NDUFAF6: variants seen among roughly 807,000 people sequenced by gnomAD.
NDUFAF6 encodes the protein NADH dehydrogenase (ubiquinone) complex I, assembly factor 6.
In NDUFAF6, 45 loss-of-function variants were observed where a neutral mutation model predicts 40.8. That is an observed-to-expected ratio of 1.10 (90% CI 0.87 to 1.42). The LOEUF (loss-of-function observed/expected upper bound fraction) is 1.42. Among genes scored for constraint, NDUFAF6 ranks in the 40% most tolerant of loss-of-function variants. The pLI is 0.00. For synonymous variants in NDUFAF6, 185 were observed against 155.9 expected (o/e 1.19, Z -1.39); for missense variants, 435 against 418.5 (o/e 1.04, Z -0.34).
In NDUFAF6 at chr8:95,072,216, G is replaced by T. The variant is rs182767831; in HGVS notation, c.*512-3417G>T. Among the ~76,000 whole-genome samples the T allele has an allele frequency of 3.3e-3, 508 of 152,188 alleles. 3 individuals are homozygous for T. Among genetic ancestry groups the T allele is most frequent in the African/African-American group, 0.011 (468 of 41,518 alleles). On this transcript the variant is annotated intron_variant and NMD_transcript_variant, in intron 9 of 9. Transcript: ENST00000520757. ...AGACACAGGGCCGTTATGTTGCGGT[G>T]CCCTACTTCGCAGCACCCCCAGACC...
intron 7 of NDUFAF6, among the ~76,000 whole-genome samples, chr8:95,049,540 C>G (rs1056687543): frequency 6.6e-6 from 1 of 152,170 alleles, no homozygotes; most frequent in African/African-American, 2.4e-5. Context: ...TCCCATAATG[C>G]TAATTTTTCC....
chr8:95,045,981 G>A (rs924562603), intron 5 of NDUFAF6, among the ~76,000 whole-genome samples: 4 of 151,880 alleles, frequency 2.6e-5, no homozygotes, highest in East Asian at 1.9e-4. Flanking sequence ...TCTTCCTTTC[G>A]TGTTAATAGT....
At chr8:94,951,872 C>T (rs992624689) in intron 2 of NDUFAF6, among the ~76,000 whole-genome samples, 10 of 152,188 alleles carry the variant, frequency 6.6e-5, no homozygotes, top group African/African-American at 2.2e-4. Context: ...ATCTCCATAG[C>T]GTAGAGCTGT....
chr8:95,038,180 T>G lies in NDUFAF6; in HGVS notation c.420+2604T>G, dbSNP rs75082499. Reference sequence around the variant, plus strand: ...GAGCCACTGTGCATGGCCCACTTATTGTTAATATTTTATCCCATTTGTTTA... The same window carrying G: ...GAGCCACTGTGCATGGCCCACTTATGGTTAATATTTTATCCCATTTGTTTA... On this transcript the variant is annotated intron_variant, in intron 3 of 8. Transcript: ENST00000396124. 1.2e-3 allele frequency among the ~76,000 whole-genome samples: 185 copies of G among 152,262 alleles called. 2 individuals are homozygous for G. The highest frequency in any genetic ancestry group is 9.7e-4 in the East Asian group (5 of 5,170).
intron 8 of NDUFAF6, 103 bp downstream of exon 8, chr8:95,052,333 C>T (rs1182940202): frequency 7.7e-7 from 1 of 1,305,176 alleles, no homozygotes; most frequent in Non-Finnish European, 1.1e-6. Context: ...AGTTCGGAGC[C>T]TTTGTTTTTG....
chr8:94,973,010 G>A (rs558516223), intron 1 of NDUFAF6, among the ~76,000 whole-genome samples: 6 of 152,282 alleles, frequency 3.9e-5, no homozygotes, highest in South Asian at 2.1e-4. Flanking sequence ...CCAGGAGTTC[G>A]AGGCTCCAGT....
intron 3 of NDUFAF6, chr8:95,041,021 G>C (rs764459327): frequency 6.6e-6 from 1 of 152,230 alleles, no homozygotes; most frequent in Non-Finnish European, 1.5e-5. Context: ...TCTATTTTTC[G>C]AGGAGTGGTT....
At chr8:95,046,857 C>G in intron 5 of NDUFAF6, 137 bp from the exon 6 acceptor site, 1 of 1,158,542 alleles carries the variant, frequency 8.6e-7, no homozygotes, top group South Asian at 1.3e-5. Flanking sequence ...CAGTTTTTCA[C>G]TCATAAATCC....
At chr8:94,960,323 G>A (rs896847) in intron 1 of NDUFAF6, among the ~76,000 whole-genome samples, 77,002 of 152,000 alleles carry the variant, frequency 0.51, 19,924 homozygotes, top group East Asian at 0.72. Flanking sequence ...CCCAACCTCA[G>A]TACGACTCTG....
rs370174649 is a variant in NDUFAF6, at chr8:95,047,989, G to A, written c.715-468G>A. Reference sequence around the variant, plus strand: ...TGGGAGGGTCGCTTGAGTCCAGGAGGTTGAGACCAGCCTGGGCAATATTGG... The same window carrying A: ...TGGGAGGGTCGCTTGAGTCCAGGAGATTGAGACCAGCCTGGGCAATATTGG... On this transcript the variant is annotated intron_variant, in intron 6 of 8. Coordinates refer to ENST00000396124, the MANE Select transcript of NDUFAF6 (RefSeq NM_152416.4). 4.5e-4 allele frequency among the ~76,000 whole-genome samples: 68 copies of A among 152,066 alleles called. No individual in the cohort carries two copies. In the South Asian group the frequency reaches 0.014, roughly 31 times the overall value.
intron 2 of NDUFAF6, among the ~76,000 whole-genome samples, chr8:95,004,945 A>C (rs1414173469): frequency 6.6e-6 from 1 of 152,182 alleles, no homozygotes; most frequent in African/African-American, 2.4e-5. Flanking sequence ...GTCAAAGATA[A>C]TTCTGAGGTT....
chr8:95,004,273 A>G (rs987431809), intron 2 of NDUFAF6, among the ~76,000 whole-genome samples: 7 of 149,372 alleles, frequency 4.7e-5, no homozygotes, highest in African/African-American at 9.9e-5. Flanking sequence ...CCAGCTCGCT[A>G]TGGGCTCCAG....
rs539503946 is a variant in NDUFAF6, at chr8:94,920,786, G to GA, written c.-935-24696dup. 3.9e-5 allele frequency among the ~76,000 whole-genome samples: 6 copies of GA among 152,312 alleles called. No homozygotes were observed. The East Asian group carries it at 5.8e-4, about 15-fold the overall frequency. On this transcript the variant is annotated intron_variant, in intron 1 of 14. Coordinates refer to the NDUFAF6 transcript ENST00000396113. ...GGCTGTGTTGCCAGCCATTCTCTAT[G>GA]AGCATCCCGCAGCTGCCTCTCATTT...
downstream of NDUFAF6, among the ~76,000 whole-genome samples, chr8:95,063,096 T>C (rs1469980747): frequency 6.6e-6 from 1 of 152,176 alleles, no homozygotes; most frequent in Non-Finnish European, 1.5e-5. Context: ...ATTAAGGTGT[T>C]TGGATTTTAA....
rs533278420 is a variant in NDUFAF6 at position 94,982,316 on chromosome 8, C to G, written c.-84+1343C>G. ...TTGTGTCACAATTGCCTACAATATT[C>G]AGTACAGTAACATGCTGTGCAGGTT... On this transcript the variant is annotated intron_variant, in intron 2 of 9. Transcript: ENST00000396111. Among the ~76,000 whole-genome samples the G allele has an allele frequency of 2.6e-5, 4 of 152,222 alleles. No homozygotes were observed. In the East Asian group the frequency reaches 5.8e-4, roughly 22 times the overall value.
At chr8:94,934,384 A>G (rs1468102800) in intron 1 of NDUFAF6, among the ~76,000 whole-genome samples, 1 of 151,230 alleles carries the variant, frequency 6.6e-6, no homozygotes, top group Non-Finnish European at 1.5e-5. Context: ...TTAATTATAA[A>G]TTCTATTTTT....
chr8:94,961,834 C>T (rs1388704845), intron 1 of NDUFAF6, among the ~76,000 whole-genome samples: 1 of 152,164 alleles, frequency 6.6e-6, no homozygotes, highest in African/African-American at 2.4e-5. Flanking sequence ...AGGATTTTTT[C>T]CTACCATAAT....
intron 1 of NDUFAF6, among the ~76,000 whole-genome samples, chr8:94,917,294 T>C (rs1819205068): frequency 6.6e-6 from 1 of 152,174 alleles, no homozygotes; most frequent in Non-Finnish European, 1.5e-5. Context: ...TACAGAGGCA[T>C]TTACAAATAT....
At chr8:94,962,267 T>A (rs533413153) in intron 1 of NDUFAF6, among the ~76,000 whole-genome samples, 1 of 152,356 alleles carries the variant, frequency 6.6e-6, no homozygotes, top group East Asian at 1.9e-4. Flanking sequence ...ACTGGGTCTC[T>A]GACGGTCCTA....
Sources: gnomAD v4.1 joint callset for allele counts (sites outside exome capture counted in the v4.1 genomes callset) on GRCh38, gnomAD v4.1.1 for gene constraint, MANE v1.5 for transcripts, NCBI Gene and HGNC (gene_info 2026-07-23, HGNC 2026-07-21) for gene names.